Variants in TPTE observed in about 807,000 individuals in gnomAD.
TPTE encodes the protein putative tyrosine-protein phosphatase TPTE.
TPTE carries 59 observed loss-of-function variants against 84.1 expected under a neutral mutation model. The observed-to-expected ratio is 0.70, with a 90% confidence interval of 0.57 to 0.87. The LOEUF is 0.87. TPTE is among the 40% of genes least tolerant of loss of function. TPTE has a pLI of 0.00. For synonymous variants in TPTE, 130 were observed against 223.5 expected, an observed-to-expected ratio of 0.58 and a Z score of 3.73; for missense variants, 382 against 659.6, an observed-to-expected ratio of 0.58 and a Z score of 4.61.
intron 3 of TPTE, among the ~76,000 whole-genome samples, chr21:10,537,063 A>G (rs2074279319): frequency 6.6e-6 from 1 of 152,308 alleles, no homozygotes; most frequent in African/African-American, 2.4e-5. Flanking sequence ...CCTGTGTGAG[A>G]GCAGAGAAGA....
At chr21:10,600,140 C>CT (rs71217979) in intron 21 of TPTE, among the ~76,000 whole-genome samples, 36,376 of 142,760 alleles carry the variant, frequency 0.25, 1,291 homozygotes, top group African/African-American at 0.43. Context: ...TTTTCTTTTT[C>CT]TTTTTTTTTT....
rs772447107 is a variant in TPTE, at chr21:10,542,452, A to G, written c.119+4A>G. The G allele has an allele frequency of 6.2e-7, 1 of 1,611,128 alleles. No homozygotes were observed. Among genetic ancestry groups the G allele is most frequent in the Admixed American group, 1.7e-5 (1 of 59,920 alleles). ...AGGAGGCACCTGCGAAAGAAAGGTG[A>G]GCAATAAATAGTTAAAGTCACCCGT... On this transcript the variant is annotated splice_donor_region_variant and intron_variant, in intron 6 of 23. Transcript: ENST00000618007.
intron 21 of TPTE, among the ~76,000 whole-genome samples, chr21:10,598,357 T>C (rs910082313): frequency 6.6e-6 from 1 of 152,428 alleles, no homozygotes; most frequent in African/African-American, 2.4e-5. Context: ...CCACAAACAC[T>C]GAGCGTGTTC....
chr21:10,586,789 C>G (rs1340104203), intron 17 of TPTE, among the ~76,000 whole-genome samples: 1 of 152,306 alleles, frequency 6.6e-6, no homozygotes, highest in African/African-American at 2.4e-5. Flanking sequence ...CCTAAAATCT[C>G]TCATTAGATT....
chr21:10,594,337 G>A (rs2075540872), intron 19 of TPTE, among the ~76,000 whole-genome samples: 1 of 152,310 alleles, frequency 6.6e-6, no homozygotes, highest in African/African-American at 2.4e-5. Context: ...TTTCTTTTAG[G>A]GACTACGTCA....
At chr21:10,565,199 C>T (rs1207215876) in intron 10 of TPTE, among the ~76,000 whole-genome samples, 3 of 152,308 alleles carry the variant, frequency 2.0e-5, no homozygotes, top group Non-Finnish European at 4.4e-5. Flanking sequence ...AGTAGCATTT[C>T]TATATGTCAA....
At chr21:10,558,626 C>T (rs759564044) in intron 8 of TPTE, among the ~76,000 whole-genome samples, 2,941 of 151,236 alleles carry the variant, frequency 0.019, no homozygotes, top group South Asian at 0.037. Flanking sequence ...TCTTTGTTCT[C>T]CCGTCTTAGG....
chr21:10,542,498 C>T, intron 6 of TPTE, 50 bp downstream of exon 6: 1 of 1,599,242 alleles, frequency 6.3e-7, no homozygotes, highest in Non-Finnish European at 8.5e-7. Context: ...GTGCATAGAA[C>T]TATACACACA....
chr21:10,526,233 A>G (rs2074076499), intron 2 of TPTE, among the ~76,000 whole-genome samples: 1 of 152,310 alleles, frequency 6.6e-6, no homozygotes, highest in Non-Finnish European at 1.5e-5. Context: ...AGAACTTGAA[A>G]GGTTCCCCTC....
At chr21:10,593,388 AGTTT>A (rs1011705950) in intron 19 of TPTE, among the ~76,000 whole-genome samples, 3 of 152,308 alleles carry the variant, frequency 2.0e-5, no homozygotes, top group Non-Finnish European at 2.9e-5. Flanking sequence ...TTGAAAATTT[AGTTT>A]GTTTAATCAG....
chr21:10,527,182 C>T (rs1191611294), intron 2 of TPTE, among the ~76,000 whole-genome samples, 173 bp from the exon 3 acceptor site: 2 of 151,868 alleles, frequency 1.3e-5, no homozygotes, highest in Non-Finnish European at 2.9e-5. Context: ...GACACACACA[C>T]ACACACAGTC....
intron 3 of TPTE, among the ~76,000 whole-genome samples, chr21:10,535,678 G>C (rs2145599438): frequency 6.6e-6 from 1 of 152,428 alleles, no homozygotes; most frequent in East Asian, 1.9e-4. Context: ...CCTATTTGGA[G>C]CAATGGGGAG....
At chr21:10,546,941 A>T (rs902024138) in intron 7 of TPTE, among the ~76,000 whole-genome samples, 3 of 152,310 alleles carry the variant, frequency 2.0e-5, no homozygotes, top group Admixed American at 2.0e-4. Context: ...GAGATAACTG[A>T]TGAATGTGGC....
chr21:10,585,057 C>A (rs1277113457), intron 17 of TPTE, among the ~76,000 whole-genome samples: 1 of 152,312 alleles, frequency 6.6e-6, no homozygotes. Context: ...CATGGTGAAA[C>A]CCTGTCTCTA....
chr21:10,552,571 T>C (rs1250724036), intron 7 of TPTE, 86 bp from the exon 8 acceptor site: 1 of 1,581,154 alleles, frequency 6.3e-7, no homozygotes. Flanking sequence ...TTCATGGGAT[T>C]CTTGCTATTC....
intron 10 of TPTE, among the ~76,000 whole-genome samples, chr21:10,566,577 C>G (rs1380415514): frequency 6.6e-6 from 1 of 152,306 alleles, no homozygotes; most frequent in Non-Finnish European, 1.5e-5. Context: ...CAGCACTGTT[C>G]ATAATGGCTA....
At chr21:10,547,608 A>C in intron 7 of TPTE, among the ~76,000 whole-genome samples, 1 of 152,430 alleles carries the variant, frequency 6.6e-6, no homozygotes, top group Non-Finnish European at 1.5e-5. Flanking sequence ...CAGAGGCTTA[A>C]GCTGCAGCAA....
At chr21:10,545,860 C>T (rs1444529241) in intron 7 of TPTE, among the ~76,000 whole-genome samples, 1 of 151,832 alleles carries the variant, frequency 6.6e-6, no homozygotes, top group Non-Finnish European at 1.5e-5. Context: ...TTCTTTAGCA[C>T]TAACCCAAAT....
chr21:10,592,708 G>T (rs1421674730), intron 19 of TPTE, among the ~76,000 whole-genome samples: 1 of 152,310 alleles, frequency 6.6e-6, no homozygotes, highest in Non-Finnish European at 1.5e-5. Context: ...ACCAGCCTTT[G>T]ATTTCAATGT....
Sources: allele counts gnomAD v4.1 joint callset (sites outside exome capture counted in the v4.1 genomes callset), GRCh38; gene constraint gnomAD v4.1.1; transcripts MANE v1.5; gene names NCBI Gene and HGNC (gene_info 2026-07-23, HGNC 2026-07-21).